LTF: variants seen among roughly 807,000 people sequenced by gnomAD.
LTF encodes the protein epididymis luminal protein 110.
In LTF, 91 loss-of-function variants were observed where a neutral mutation model predicts 87.2. The ratio of observed to expected loss-of-function variants is 1.04; its 90% CI spans 0.88 to 1.24. The LOEUF (loss-of-function observed/expected upper bound fraction) is 1.24. Among genes scored for constraint, LTF ranks in the 50% most tolerant of loss-of-function variants. The pLI is 0.00. For synonymous variants in LTF, 378 were observed against 356.1 expected (o/e 1.06, Z -0.69); for missense variants, 901 against 904.3 (o/e 1.00, Z 0.05).
chr3:46,475,073 A>G (rs1703341822), intron 1 of LTF, among the ~76,000 whole-genome samples: 1 of 152,210 alleles, frequency 6.6e-6, no homozygotes, highest in Non-Finnish European at 1.5e-5. Flanking sequence ...ATAAACCTAA[A>G]GCAAGCAAAA....
intron 1 of LTF, among the ~76,000 whole-genome samples, chr3:46,462,724 G>A (rs1703114560): frequency 6.6e-6 from 1 of 152,152 alleles, no homozygotes; most frequent in Admixed American, 6.5e-5. Flanking sequence ...AACAGGCAGA[G>A]AAGCTGTGGC....
chr3:46,446,370 G>T, intron 11 of LTF, 70 bp downstream of exon 11: 1 of 1,329,832 alleles, frequency 7.5e-7, no homozygotes, highest in Non-Finnish European at 1.1e-6. Flanking sequence ...TTTTTTTACA[G>T]TTCCTGCCAC....
intron 14 of LTF, among the ~76,000 whole-genome samples, chr3:46,440,634 A>G (rs554642441): frequency 6.6e-6 from 1 of 152,288 alleles, no homozygotes; most frequent in Non-Finnish European, 1.5e-5. Context: ...TCAAATTTAC[A>G]TGTCTTGTTT....
intron 9 of LTF, among the ~76,000 whole-genome samples, chr3:46,448,610 T>G (rs1172238504): frequency 6.6e-6 from 1 of 152,242 alleles, no homozygotes; most frequent in East Asian, 1.9e-4. Context: ...TGTTTTAACA[T>G]AATACCTTTC....
intron 2 of LTF, among the ~76,000 whole-genome samples, chr3:46,457,926 TGC>T (rs1489251032): frequency 1.3e-5 from 2 of 148,490 alleles, no homozygotes; most frequent in Non-Finnish European, 2.9e-5. Flanking sequence ...TACAGGCGTG[TGC>T]CACCATGCCT....
chr3:46,440,001 T>C (rs972439536), intron 14 of LTF, among the ~76,000 whole-genome samples: 5 of 152,204 alleles, frequency 3.3e-5, no homozygotes, highest in African/African-American at 1.2e-4. Context: ...GGATTGATGG[T>C]TGCCAATGCT....
chr3:46,460,673 C>T (rs1414532219), intron 1 of LTF: 1 of 440,790 alleles, frequency 2.3e-6, no homozygotes. Flanking sequence ...GAGAGAGTGT[C>T]CACACTCAAC....
rs1416140040 is a variant in LTF at position 46,439,406 on chromosome 3, T to C, written c.1798A>G (p.Lys600Glu). ...CAGCTTCTAGCCTCAGTCACAGGCTTCCGTTTGCCATCGAGGCACAGCAGC... is the reference window on the plus strand; with the variant it reads ...CAGCTTCTAGCCTCAGTCACAGGCTCCCGTTTGCCATCGAGGCACAGCAGC... ...FALLCLDGKR[K>E]PVTEARSCHL... Residue 600 changes from lysine to glutamate, a missense_variant, in exon 15 of 17, where the codon AAG becomes GAG. By Grantham distance (56) the Lys-to-Glu change is moderately conservative. Coordinates refer to ENST00000231751, the MANE Select transcript of LTF (RefSeq NM_002343.6). The C allele has an allele frequency of 1.2e-6, 2 of 1,614,108 alleles. No individual in the cohort carries two copies. The highest frequency in any genetic ancestry group is 2.7e-5 in the African/African-American group (2 of 74,946).
At chr3:46,479,326 G>C (rs1703402658) in intron 1 of LTF, among the ~76,000 whole-genome samples, 1 of 152,206 alleles carries the variant, frequency 6.6e-6, no homozygotes, top group Admixed American at 6.5e-5. Flanking sequence ...TTGAGGGGGA[G>C]ATTACAGGGC....
At chr3:46,437,914 G>A (rs373913785) in intron 16 of LTF, 26 bp downstream of exon 16, 658 of 1,601,972 alleles carry the variant, frequency 4.1e-4, no homozygotes, top group African/African-American at 1.5e-3. Flanking sequence ...GTGGTTTCTC[G>A]GGGATGCTAG....
rs1000267424 is a variant in LTF, at chr3:46,437,830, T to C, written c.2098+110A>G. 3 of 801,736 alleles carry C rather than the reference T, an allele frequency of 3.7e-6. No individual in the cohort carries two copies. In the Admixed American group the frequency reaches 7.0e-5, roughly 19 times the overall value. 49.7% of individuals were successfully genotyped at this position (801,736 alleles called of 1,614,324 possible). ...TCCTGAACTGTAAAGAGATATTATC[T>C]TTCCTTAACATTTTTACACCTGTGT... On this transcript the variant is annotated intron_variant, in intron 16 of 16. Transcript: ENST00000231751.
chr3:46,482,647 AGAAAGAAAGAAAGAAGGAAGGAAGGAAG>A (rs1350121181), intron 1 of LTF, among the ~76,000 whole-genome samples: 1 of 102,624 alleles, frequency 9.7e-6, no homozygotes, highest in African/African-American at 4.0e-5. Flanking sequence ...AAAGAAAGAA[AGAAAGAAAGAAAGAAGGAAGGAAGGAAG>A]GAAGGAAGGA....
intron 14 of LTF, among the ~76,000 whole-genome samples, chr3:46,440,742 A>G (rs1025430392): frequency 1.3e-5 from 2 of 152,192 alleles, no homozygotes; most frequent in Non-Finnish European, 2.9e-5. Flanking sequence ...GAAAGTGGAG[A>G]CAGTTCTTTC....
At chr3:46,455,589 A>G (rs1575317843) in intron 4 of LTF, 147 bp from the exon 5 acceptor site, 1 of 1,150,238 alleles carries the variant, frequency 8.7e-7, no homozygotes, top group Non-Finnish European at 1.2e-6. Flanking sequence ...AGCTCGAGAC[A>G]TGCACCTCTG....
At chr3:46,474,500 A>G (rs1703333874) in intron 1 of LTF, among the ~76,000 whole-genome samples, 1 of 152,234 alleles carries the variant, frequency 6.6e-6, no homozygotes, top group African/African-American at 2.4e-5. Context: ...AGACTCCACA[A>G]TTATAGTTGA....
chr3:46,447,494 G>A (rs1369717025), intron 9 of LTF, 96 bp from the exon 10 acceptor site: 21 of 863,200 alleles, frequency 2.4e-5, no homozygotes, highest in African/African-American at 1.3e-4. Context: ...TCTGTCAGGT[G>A]ACCAGTGAAA....
upstream of LTF, among the ~76,000 whole-genome samples, chr3:46,468,004 G>A (rs958040441): frequency 2.0e-5 from 3 of 152,020 alleles, no homozygotes; most frequent in Non-Finnish European, 2.9e-5. Flanking sequence ...ATTTCCTACC[G>A]CTTTCCACCA....
intron 1 of LTF, among the ~76,000 whole-genome samples, chr3:46,480,966 C>T (rs1703423747): frequency 6.6e-6 from 1 of 152,154 alleles, no homozygotes; most frequent in Non-Finnish European, 1.5e-5. Context: ...TACACAACTG[C>T]CAGTGGAAGT....
chr3:46,436,559 C>A (rs1282859522), intron 16 of LTF, among the ~76,000 whole-genome samples: 1 of 152,192 alleles, frequency 6.6e-6, no homozygotes, highest in Non-Finnish European at 1.5e-5. Flanking sequence ...GGAATGTGAA[C>A]CTGTTTGCAA....
Sources: allele counts gnomAD v4.1 joint callset (sites outside exome capture counted in the v4.1 genomes callset), GRCh38; gene constraint gnomAD v4.1.1; transcripts MANE v1.5; gene names NCBI Gene and HGNC (gene_info 2026-07-23, HGNC 2026-07-21).